Variants in QTMAN observed in about 807,000 individuals in gnomAD.
QTMAN encodes the protein tRNA-queuosine alpha-mannosyltransferase.
the QTMAN span, among the ~76,000 whole-genome samples, chr2:144,293,624 T>C: frequency 4.6e-5 from 7 of 152,192 alleles, no homozygotes; most frequent in African/African-American, 1.7e-4. Flanking sequence ...TCCAACACTG[T>C]CTAGAGAGAA....
the QTMAN span, among the ~76,000 whole-genome samples, chr2:144,328,526 T>C: frequency 3.3e-5 from 5 of 152,204 alleles, no homozygotes; most frequent in Non-Finnish European, 5.9e-5. Flanking sequence ...TGAGACAGCA[T>C]ACCTTTGTGA....
the QTMAN span, among the ~76,000 whole-genome samples, chr2:144,290,425 T>C: frequency 2.0e-5 from 3 of 152,354 alleles, no homozygotes; most frequent in South Asian, 6.2e-4. Context: ...CCTGGACCAT[T>C]CCACAATCCT....
chr2:144,002,421 C>T, the QTMAN span, among the ~76,000 whole-genome samples: 2 of 151,864 alleles, frequency 1.3e-5, no homozygotes, highest in African/African-American at 4.8e-5. Context: ...GACATTTTCT[C>T]AAACATGAAC....
the QTMAN span, among the ~76,000 whole-genome samples, chr2:144,187,461 A>G: frequency 7.9e-5 from 12 of 152,172 alleles, no homozygotes; most frequent in African/African-American, 2.9e-4. Context: ...TGAGCCATCC[A>G]GCCCCATGAC....
At chr2:144,133,418 TAATA>T in the QTMAN span, among the ~76,000 whole-genome samples, 1 of 37,188 alleles carries the variant, frequency 2.7e-5, no homozygotes, top group African/African-American at 1.1e-4. Context: ...ATATTATATA[TAATA>T]TATATAATAT....
chr2:144,076,832 C>T, the QTMAN span, among the ~76,000 whole-genome samples: 2 of 151,934 alleles, frequency 1.3e-5, no homozygotes, highest in East Asian at 3.9e-4. Flanking sequence ...CATAGCAAAA[C>T]CACAGGCCGG....
the QTMAN span, among the ~76,000 whole-genome samples, chr2:144,204,787 C>T: frequency 1.3e-5 from 2 of 151,996 alleles, no homozygotes; most frequent in Non-Finnish European, 2.9e-5. Flanking sequence ...ATGTGGCACA[C>T]ATACACCATG....
chr2:144,064,678 A>T, the QTMAN span, among the ~76,000 whole-genome samples: 1 of 152,346 alleles, frequency 6.6e-6, no homozygotes, highest in African/African-American at 2.4e-5. Context: ...CAAGCTTTAT[A>T]TAAAAAATGC....
At chr2:143,982,745 T>C in the QTMAN span, among the ~76,000 whole-genome samples, 2 of 150,294 alleles carry the variant, frequency 1.3e-5, no homozygotes, top group South Asian at 4.2e-4. Flanking sequence ...CCTGTAATCC[T>C]AGCTACTCAG....
At chr2:144,140,434 G>A in the QTMAN span, among the ~76,000 whole-genome samples, 4 of 151,670 alleles carry the variant, frequency 2.6e-5, no homozygotes, top group Admixed American at 6.6e-5. Context: ...AACTTAAAAC[G>A]TCAAAATATA....
chr2:144,135,612 C>T, the QTMAN span, among the ~76,000 whole-genome samples: 4 of 152,136 alleles, frequency 2.6e-5, no homozygotes, highest in South Asian at 2.1e-4. Flanking sequence ...AAGCCTTGAG[C>T]GCTTTCTCTT....
the QTMAN span, among the ~76,000 whole-genome samples, chr2:144,210,188 G>A: frequency 1.3e-5 from 2 of 152,230 alleles, no homozygotes; most frequent in South Asian, 4.1e-4. Context: ...CCTCAGCTCT[G>A]TCACTTCCAA....
chr2:144,179,732 G>A, the QTMAN span, among the ~76,000 whole-genome samples: 15 of 152,226 alleles, frequency 9.9e-5, 1 homozygote, highest in South Asian at 3.1e-3. Flanking sequence ...TTAGGTCACA[G>A]CTACTTAGTT....
chr2:144,018,636 T>C, the QTMAN span, among the ~76,000 whole-genome samples: 1 of 152,312 alleles, frequency 6.6e-6, no homozygotes, highest in East Asian at 1.9e-4. Flanking sequence ...TACTCATTAC[T>C]ACAATATAAG....
chr2:144,001,221 T>C, the QTMAN span, among the ~76,000 whole-genome samples: 1 of 152,132 alleles, frequency 6.6e-6, no homozygotes. Flanking sequence ...TAATTTATTT[T>C]AGTACCAAGT....
the QTMAN span, among the ~76,000 whole-genome samples, chr2:143,990,550 G>A: frequency 6.6e-6 from 1 of 152,178 alleles, no homozygotes; most frequent in Non-Finnish European, 1.5e-5. Flanking sequence ...TGGGAGAGAT[G>A]TGAGGATGGC....
chr2:144,000,825 T>C, the QTMAN span, among the ~76,000 whole-genome samples: 1 of 151,992 alleles, frequency 6.6e-6, no homozygotes, highest in East Asian at 1.9e-4. Context: ...CATTCTTCTC[T>C]TAGAAAAACA....
the QTMAN span, among the ~76,000 whole-genome samples, chr2:143,971,057 GTGTATTTACTCT>G: frequency 6.6e-6 from 1 of 151,846 alleles, no homozygotes; most frequent in Non-Finnish European, 1.5e-5. Flanking sequence ...AGAAAGTATA[GTGTATTTACTCT>G]TCCCTAAAAT....
the QTMAN span, among the ~76,000 whole-genome samples, chr2:144,162,448 T>C: frequency 1.3e-5 from 2 of 152,130 alleles, no homozygotes; most frequent in African/African-American, 4.8e-5. Context: ...GAAAATCTTG[T>C]ACAGATGTCA....
Sources: gnomAD v4.1 joint callset for allele counts (sites outside exome capture counted in the v4.1 genomes callset) on GRCh38, gnomAD v4.1.1 for gene constraint, MANE v1.5 for transcripts, NCBI Gene and HGNC (gene_info 2026-07-23, HGNC 2026-07-21) for gene names.